KCNMB2: variants seen among roughly 807,000 people sequenced by gnomAD.
The protein encoded by KCNMB2 is calcium-activated potassium channel subunit beta-2.
Under a neutral mutation model 24.5 loss-of-function variants are expected in KCNMB2, and 9 were observed. The ratio of observed to expected loss-of-function variants is 0.37; its 90% CI spans 0.22 to 0.64. The LOEUF (loss-of-function observed/expected upper bound fraction) is 0.64, where lower values mean the gene tolerates loss of function less well. KCNMB2 is among the 30% of genes least tolerant of loss of function. The pLI, the probability that KCNMB2 is intolerant of heterozygous loss-of-function variation, is 0.63. For missense variants in KCNMB2, 226 were observed against 284.3 expected, an observed-to-expected ratio of 0.79 and a Z score of 1.47; for synonymous variants, 109 against 104.4, an observed-to-expected ratio of 1.04 and a Z score of -0.27.
At chr3:178,825,212 CAAT>C (rs1251040573) in intron 2 of KCNMB2, among the ~76,000 whole-genome samples, 1 of 152,164 alleles carries the variant, frequency 6.6e-6, no homozygotes, top group Non-Finnish European at 1.5e-5. Flanking sequence ...ATCTAAAAAT[CAAT>C]AATGATCAGA....
At chr3:178,771,473 C>CTTTTTTTTTTTTTTTTTTTT (rs66694279) in intron 1 of KCNMB2, among the ~76,000 whole-genome samples, 1 of 87,516 alleles carries the variant, frequency 1.1e-5, no homozygotes, top group African/African-American at 4.9e-5. Context: ...TTCTTTCTTT[C>CTTTTTTTTTTTTTTTTTTTT]TTTTTTTTTT....
At chr3:178,708,116 C>T (rs1354538320) in intron 1 of KCNMB2, among the ~76,000 whole-genome samples, 1 of 152,128 alleles carries the variant, frequency 6.6e-6, no homozygotes, top group African/African-American at 2.4e-5. Context: ...ACCATAGTTT[C>T]AGTGTCTGCC....
intron 3 of KCNMB2, among the ~76,000 whole-genome samples, chr3:178,827,807 AG>A (rs1429777249): frequency 6.6e-6 from 1 of 152,314 alleles, no homozygotes; most frequent in Admixed American, 6.5e-5. Flanking sequence ...ATACAGAGGT[AG>A]GGGCTGGAGC....
At chr3:178,822,837 C>T (rs537722230) in intron 2 of KCNMB2, among the ~76,000 whole-genome samples, 1 of 152,304 alleles carries the variant, frequency 6.6e-6, no homozygotes, top group African/African-American at 2.4e-5. Context: ...ACACTGATTA[C>T]ACTTCTTCTC....
intron 1 of KCNMB2, among the ~76,000 whole-genome samples, chr3:178,716,550 T>C (rs917125175): frequency 6.6e-6 from 1 of 151,964 alleles, no homozygotes; most frequent in African/African-American, 2.4e-5. Context: ...TTCAAGCGAT[T>C]GTCCTGCCTC....
chr3:178,632,293 G>C (rs997042287), intron 1 of KCNMB2, among the ~76,000 whole-genome samples: 4 of 152,066 alleles, frequency 2.6e-5, no homozygotes, highest in African/African-American at 9.7e-5. Flanking sequence ...TCTATCCCTG[G>C]GATCAAACTA....
chr3:178,608,498 T>C (rs1408385276), intron 1 of KCNMB2, among the ~76,000 whole-genome samples: 4 of 152,206 alleles, frequency 2.6e-5, no homozygotes, highest in Non-Finnish European at 4.4e-5. Context: ...GAATGGGCTA[T>C]CCATCCATCA....
At chr3:178,833,906 G>C (rs1297093112) in intron 4 of KCNMB2, among the ~76,000 whole-genome samples, 1 of 152,020 alleles carries the variant, frequency 6.6e-6, no homozygotes, top group Non-Finnish European at 1.5e-5. Context: ...AGGGCTCAAG[G>C]GTCCCTGCCT....
chr3:178,626,855 T>C lies in KCNMB2; in HGVS notation c.-68+90144T>C, dbSNP rs368512407. Among the ~76,000 whole-genome samples the C allele has an allele frequency of 2.9e-4, 43 of 149,312 alleles. 1 individual carries two copies. The South Asian group carries it at 8.8e-3, about 31-fold the overall frequency. ...TAGTATAGTAAGTATATATATAACT[T>C]ATATAGAGAGAATAAGTATATATGT... On this transcript the variant is annotated intron_variant, in intron 1 of 4. Coordinates refer to ENST00000452583, the MANE Select transcript of KCNMB2 (RefSeq NM_181361.3).
chr3:178,719,838 C>T (rs1284546012), intron 1 of KCNMB2, among the ~76,000 whole-genome samples: 1 of 152,170 alleles, frequency 6.6e-6, no homozygotes, highest in South Asian at 2.1e-4. Context: ...ACTGTTCTCT[C>T]AATTCCCTCA....
At chr3:178,831,051 C>T (rs908164670) in intron 4 of KCNMB2, among the ~76,000 whole-genome samples, 2 of 152,038 alleles carry the variant, frequency 1.3e-5, no homozygotes, top group African/African-American at 4.8e-5. Flanking sequence ...TTTTCCCTTT[C>T]ATGTATACAG....
chr3:178,539,628 G>A (rs1193895352), intron 1 of KCNMB2, among the ~76,000 whole-genome samples: 1 of 151,942 alleles, frequency 6.6e-6, no homozygotes, highest in Admixed American at 6.6e-5. Context: ...TTCATCCTTA[G>A]GTTTCTTGGT....
chr3:178,810,965 G>A (rs1015429006), intron 2 of KCNMB2, among the ~76,000 whole-genome samples: 2 of 146,470 alleles, frequency 1.4e-5, no homozygotes, highest in African/African-American at 2.6e-5. Context: ...TGTTAGCCAG[G>A]ATGGTCTCAA....
rs1022335324 is a variant in KCNMB2, at chr3:178,536,927, C to T, written c.-68+216C>T. 1.1e-4 allele frequency among the ~76,000 whole-genome samples: 17 copies of T among 152,156 alleles called. 1 individual carries two copies. Among genetic ancestry groups the T allele is most frequent in the African/African-American group, 4.1e-4 (17 of 41,440 alleles). On this transcript the variant is annotated intron_variant, in intron 1 of 4. Transcript: ENST00000452583. ...CCAGGACAAACTGGCTCCAGGCTTA[C>T]AGCTTGCTGAGTGTGCATTCCACGT...
At chr3:178,817,827 C>T (rs901518293) in intron 2 of KCNMB2, among the ~76,000 whole-genome samples, 43 of 152,264 alleles carry the variant, frequency 2.8e-4, no homozygotes, top group African/African-American at 9.6e-4. Flanking sequence ...GGCTATCTCA[C>T]AACCTATGCT....
intron 1 of KCNMB2, among the ~76,000 whole-genome samples, chr3:178,759,509 A>ATATCTC (rs1200301650): frequency 1.0e-5 from 1 of 99,882 alleles, no homozygotes; most frequent in Non-Finnish European, 2.0e-5. Flanking sequence ...ATATATATAT[A>ATATCTC]TCTCTCCAAG....
chr3:178,815,771 C>A (rs1450803970), intron 2 of KCNMB2, among the ~76,000 whole-genome samples: 1 of 151,884 alleles, frequency 6.6e-6, no homozygotes, highest in Non-Finnish European at 1.5e-5. Context: ...TGTTTATCTA[C>A]ATTTATTACA....
intron 1 of KCNMB2, among the ~76,000 whole-genome samples, chr3:178,674,561 C>T (rs184661603): frequency 1.6e-3 from 242 of 152,258 alleles, no homozygotes; most frequent in African/African-American, 5.7e-3. Flanking sequence ...CTACTTCTGC[C>T]ACATTAATCC....
At chr3:178,710,575 G>A (rs986137025) in intron 1 of KCNMB2, among the ~76,000 whole-genome samples, 1 of 152,026 alleles carries the variant, frequency 6.6e-6, no homozygotes, top group Non-Finnish European at 1.5e-5. Context: ...CTATAACTAA[G>A]CCCAAGGCCT....
Sources: gnomAD v4.1 joint callset for allele counts (sites outside exome capture counted in the v4.1 genomes callset) on GRCh38, gnomAD v4.1.1 for gene constraint, MANE v1.5 for transcripts, NCBI Gene and HGNC (gene_info 2026-07-23, HGNC 2026-07-21) for gene names.